PCDHGA6: variants seen among roughly 807,000 people sequenced by gnomAD.
PCDHGA6 encodes protocadherin gamma subfamily A, 6, also known as protocadherin gamma-A6.
PCDHGA6 carries 41 observed loss-of-function variants against 60.6 expected under a neutral mutation model. The observed-to-expected ratio is 0.68, with a 90% confidence interval of 0.53 to 0.88. The LOEUF (loss-of-function observed/expected upper bound fraction) is 0.88. Ranked by LOEUF, PCDHGA6 falls within the 40% of genes least tolerant of loss-of-function variation. The pLI is 0.00. For synonymous variants in PCDHGA6, 594 were observed against 524.4 expected (o/e 1.13, Z -1.81); for missense variants, 1,312 against 1,203.0 (o/e 1.09, Z -1.34).
rs1036126623 is a variant in PCDHGA6, at chr5:141,410,753, T to A, written c.2424+34246T>A. On this transcript the variant is annotated intron_variant, in intron 1 of 3. Transcript: ENST00000517434. ...AGCTTTTTACAATATTTTCTCAATG[T>A]TTTTTCAATTATAGTTTTCACTATG... 4.1e-6 allele frequency: 5 copies of A among 1,229,696 alleles called. No individual in the cohort carries two copies. In the African/African-American group the frequency reaches 6.1e-5, roughly 15 times the overall value. 76.2% of individuals were successfully genotyped at this position (1,229,696 alleles called of 1,614,324 possible). A position where few individuals can be genotyped will look rare whatever the true frequency, so the allele number is the denominator to read the frequency against.
intron 1 of PCDHGA6, chr5:141,419,315 C>G (rs2096357855): frequency 1.2e-6 from 2 of 1,613,998 alleles, no homozygotes; most frequent in Non-Finnish European, 1.7e-6. Flanking sequence ...GCTCAACGGC[C>G]GTGTCTCCTA....
rs572457971 is a variant in PCDHGA6, at chr5:141,426,319, C to T, written c.2424+49812C>T. The T allele has an allele frequency of 1.5e-3, 257 of 175,598 alleles. 1 individual carries two copies. Among genetic ancestry groups the T allele is most frequent in the Non-Finnish European group, 1.2e-3 (99 of 79,820 alleles). 10.9% of individuals were successfully genotyped at this position (175,598 alleles called of 1,614,324 possible). ...CAGGGTGAAGCAGAGAAGCAGGACC[C>T]GGCAGTGGCAAGCACTCTTCCCTTT... is the stretch of plus-strand genomic sequence containing the variant. On this transcript the variant is annotated intron_variant, in intron 1 of 3. Coordinates refer to ENST00000517434, the MANE Select transcript of PCDHGA6 (RefSeq NM_018919.3).
intron 1 of PCDHGA6, among the ~76,000 whole-genome samples, chr5:141,445,357 G>C (rs115045385): frequency 0.013 from 1,909 of 152,252 alleles, 31 homozygotes; most frequent in African/African-American, 0.044. Flanking sequence ...GTCTGCCCAA[G>C]TCTGGTCCTG....
intron 1 of PCDHGA6, chr5:141,385,334 C>A: frequency 6.3e-7 from 1 of 1,581,530 alleles, no homozygotes; most frequent in Non-Finnish European, 8.6e-7. Context: ...GTGAGCCCAG[C>A]CCTTCCTTTA....
At chr5:141,419,959 T>C (rs765017440) in intron 1 of PCDHGA6, 5 of 1,614,104 alleles carry the variant, frequency 3.1e-6, no homozygotes, top group Non-Finnish European at 3.4e-6. Flanking sequence ...CCTTGATTTC[T>C]GTGCTCTTTC....
rs983998465 is a variant in PCDHGA6 at position 141,494,817 on chromosome 5, C to T, written c.2435C>T (p.Pro812Leu). ...GEPRQLQQAP[P>L]NTDWRFSQAQ... ...CTGTTTTCTCCACAGCAAGCCCCGC[C>T]CAACACGGACTGGCGTTTCTCTCAG... The change falls in exon 2 of 4, where the codon CCC becomes CTC. Residue 812 changes from proline to leucine, a missense_variant. Transcript: ENST00000517434. 1.2e-6 allele frequency: 2 copies of T among 1,614,016 alleles called. No individual in the cohort carries two copies. Among genetic ancestry groups the T allele is most frequent in the Non-Finnish European group, 1.7e-6 (2 of 1,180,026 alleles).
intron 1 of PCDHGA6, chr5:141,423,638 A>G (rs771989468): frequency 2.5e-6 from 4 of 1,598,292 alleles, no homozygotes; most frequent in Non-Finnish European, 3.4e-6. Context: ...ATTTTAGGCA[A>G]ATGTGACCCG....
intron 1 of PCDHGA6, among the ~76,000 whole-genome samples, chr5:141,483,276 TA>T (rs755290434): frequency 2.2e-4 from 33 of 152,238 alleles, no homozygotes; most frequent in Non-Finnish European, 3.8e-4. Context: ...TTAGAAATAT[TA>T]TTCTGTCAGT....
At chr5:141,422,714 C>T (rs2096666670) in intron 1 of PCDHGA6, 1 of 1,603,720 alleles carries the variant, frequency 6.2e-7, no homozygotes, top group South Asian at 1.1e-5. Flanking sequence ...ACGGATGACA[C>T]TGTCCAGGGG....
At chr5:141,469,104 C>G (rs1046234848) in intron 1 of PCDHGA6, among the ~76,000 whole-genome samples, 3 of 151,760 alleles carry the variant, frequency 2.0e-5, no homozygotes, top group Middle Eastern at 3.2e-3. Flanking sequence ...AAGCAAGAAC[C>G]TGTCTCTAAA....
Position 141,490,931 on chromosome 5 carries a change from T to C in PCDHGA6, c.2425-3876T>C. 1 of 1,613,780 alleles carries C rather than the reference T, an allele frequency of 6.2e-7. No individual in the cohort carries two copies. Among genetic ancestry groups the C allele is most frequent in the East Asian group, 2.2e-5 (1 of 44,872 alleles). ...GACGAGAATGATAATGCCCCAGCTG[T>C]GCTGCACCCACGGCCAGACTGGGAA... On this transcript the variant is annotated intron_variant, in intron 1 of 3. Transcript: ENST00000517434. This position sits in a 1 kb window ranked among gnomAD's most constrained non-coding sequence, Gnocchi z 5.4.
At chr5:141,464,343 A>T (rs944042669) in intron 1 of PCDHGA6, among the ~76,000 whole-genome samples, 1 of 151,308 alleles carries the variant, frequency 6.6e-6, no homozygotes, top group South Asian at 2.1e-4. Flanking sequence ...ATGACTTGTC[A>T]TTTAGGTAGT....
intron 1 of PCDHGA6, among the ~76,000 whole-genome samples, chr5:141,401,908 T>C (rs942184637): frequency 1.3e-5 from 2 of 152,238 alleles, no homozygotes; most frequent in Admixed American, 1.3e-4. Flanking sequence ...CAAATTATTA[T>C]ATAAGTTTAA....
chr5:141,494,950 A>T, intron 2 of PCDHGA6, 85 bp downstream of exon 2: 2 of 1,607,070 alleles, frequency 1.2e-6, no homozygotes, highest in African/African-American at 2.7e-5. Context: ...AGGGCCCAGC[A>T]TTTGCTACAG....
chr5:141,505,577 G>A lies in PCDHGA6; in HGVS notation c.2572+96G>A, dbSNP rs537948666. 8.2e-6 allele frequency: 13 copies of A among 1,589,854 alleles called. No homozygotes were observed. The African/African-American group carries it at 1.1e-4, about 13-fold the overall frequency. Reference sequence around the variant, plus strand: ...TGCCCACGGACTGGATGTCAAACCTGTGTAGTTTCTCCAGATCTTTCGGCA... The same window carrying A: ...TGCCCACGGACTGGATGTCAAACCTATGTAGTTTCTCCAGATCTTTCGGCA... On this transcript the variant is annotated intron_variant, in intron 3 of 3. Coordinates refer to ENST00000517434, the MANE Select transcript of PCDHGA6 (RefSeq NM_018919.3).
chr5:141,473,048 A>T (rs1295750830), intron 1 of PCDHGA6, among the ~76,000 whole-genome samples: 4 of 151,992 alleles, frequency 2.6e-5, no homozygotes, highest in Non-Finnish European at 5.9e-5. Flanking sequence ...GAAAGAAAGA[A>T]GTGATACAAC....
In PCDHGA6 at chr5:141,476,714, C is replaced by G. The variant is rs146188020; in HGVS notation, c.2425-18093C>G. 3.1e-6 allele frequency: 5 copies of G among 1,614,036 alleles called. No individual in the cohort carries two copies. Among genetic ancestry groups the G allele is most frequent in the African/African-American group, 2.7e-5 (2 of 74,938 alleles). ...CAAGTACGCGGAGCTGGTGTTGGAGCGCGCCCTGGACCGAGAACGGGAGCC... is the reference window on the plus strand; with the variant it reads ...CAAGTACGCGGAGCTGGTGTTGGAGGGCGCCCTGGACCGAGAACGGGAGCC... On this transcript the variant is annotated intron_variant, in intron 1 of 3. Transcript: ENST00000517434. This position sits in a 1 kb window ranked among gnomAD's most constrained non-coding sequence, Gnocchi z 7.6.
intron 2 of PCDHGA6, 50 bp from the exon 3 acceptor site, chr5:141,505,343 G>A: frequency 1.9e-6 from 3 of 1,612,934 alleles, no homozygotes; most frequent in Non-Finnish European, 2.5e-6. Flanking sequence ...GGAGGGGCAT[G>A]AGCTGTGCCG....
chr5:141,381,355 C>T (rs1431564536), intron 1 of PCDHGA6, among the ~76,000 whole-genome samples: 1 of 152,222 alleles, frequency 6.6e-6, no homozygotes, highest in Admixed American at 6.5e-5. Context: ...TTTCTGCTAG[C>T]AGAGGGTAGC....
Sources: allele counts gnomAD v4.1 joint callset (sites outside exome capture counted in the v4.1 genomes callset), GRCh38; gene constraint gnomAD v4.1.1; non-coding constraint Gnocchi (gnomAD v3.1); transcripts MANE v1.5; gene names NCBI Gene and HGNC (gene_info 2026-07-23, HGNC 2026-07-21).